JCAD: variants seen among roughly 807,000 people sequenced by gnomAD.
The protein encoded by JCAD is junctional cadherin 5 associated, also known as junctional cadherin 5-associated protein.
Under a neutral mutation model 98.0 loss-of-function variants are expected in JCAD, and 40 were observed. That is an observed-to-expected ratio of 0.41 (90% CI 0.32 to 0.53). JCAD has a LOEUF of 0.53. Among genes scored for constraint, JCAD ranks in the 20% least tolerant of loss-of-function variants. The probability of loss-of-function intolerance (pLI) is 0.31; values close to 1 mark genes in which losing one functional copy is unlikely to be tolerated. For missense variants in JCAD, 1,705 were observed against 1,738.1 expected, an observed-to-expected ratio of 0.98 and a Z score of 0.34; for synonymous variants, 691 against 682.3, an observed-to-expected ratio of 1.01 and a Z score of -0.20.
chr10:30,036,813 C>G (rs1233543536), intron 2 of JCAD, among the ~76,000 whole-genome samples: 1 of 152,238 alleles, frequency 6.6e-6, no homozygotes, highest in African/African-American at 2.4e-5. Context: ...CTGGGGAGGC[C>G]CCATTAAAGC....
At chr10:30,031,964 C>A (rs1430244214) in intron 2 of JCAD, among the ~76,000 whole-genome samples, 1 of 149,590 alleles carries the variant, frequency 6.7e-6, no homozygotes, top group Admixed American at 6.7e-5. Context: ...CTGTTTTAGC[C>A]GGGATGGTCT....
intron 1 of JCAD, among the ~76,000 whole-genome samples, chr10:30,091,191 A>G (rs1838257045): frequency 6.6e-6 from 1 of 152,198 alleles, no homozygotes; most frequent in South Asian, 2.1e-4. Flanking sequence ...AAATTTTTTG[A>G]AAATAGATGT....
chr10:30,085,869 T>A (rs997621865), intron 1 of JCAD, among the ~76,000 whole-genome samples: 1 of 152,140 alleles, frequency 6.6e-6, no homozygotes, highest in African/African-American at 2.4e-5. Flanking sequence ...ATGTATGACA[T>A]CCCCGAGTGT....
chr10:30,045,373 T>C (rs1288751573), intron 2 of JCAD, among the ~76,000 whole-genome samples: 2 of 152,174 alleles, frequency 1.3e-5, no homozygotes, highest in Admixed American at 6.5e-5. Context: ...ACCGTTCTGC[T>C]TTTCAACAGT....
At chr10:30,109,743 C>T (rs1219280489) in intron 1 of JCAD, among the ~76,000 whole-genome samples, 6 of 151,954 alleles carry the variant, frequency 3.9e-5, no homozygotes, top group Admixed American at 2.6e-4. Flanking sequence ...TGGTATAGGC[C>T]CCCGATGTAT....
intron 1 of JCAD, among the ~76,000 whole-genome samples, chr10:30,053,188 T>C (rs556187704): frequency 6.6e-6 from 1 of 152,030 alleles, no homozygotes; most frequent in Admixed American, 6.5e-5. Context: ...GCTATAAGGG[T>C]TCTCCTGTTT....
chr10:30,048,074 C>T (rs61841126), intron 1 of JCAD, among the ~76,000 whole-genome samples: 2 of 152,208 alleles, frequency 1.3e-5, no homozygotes, highest in East Asian at 1.9e-4. Flanking sequence ...GTGGCTCTGA[C>T]TCTAAATGAT....
chr10:30,026,716 G>T lies in JCAD; in HGVS notation c.3432C>A (p.Ala1144=). Residue 1144 remains alanine (A), a synonymous_variant, in exon 3 of 4, where the codon GCC becomes GCA. Coordinates refer to ENST00000375377, the MANE Select transcript of JCAD (RefSeq NM_020848.4). The part of the protein sequence containing the change: ...PADVPRVSTD[A]FYGRRKCGWT... ...AGCCGCACTTCCTCCTGCCATAAAA[G>T]GCATCAGTGGACACCCTGGGGACAT... is the stretch of plus-strand genomic sequence containing the variant. 1 of 1,614,080 alleles carries T rather than the reference G, an allele frequency of 6.2e-7. No homozygotes were observed. Among genetic ancestry groups the T allele is most frequent in the South Asian group, 1.1e-5 (1 of 91,072 alleles).
chr10:30,048,350 T>C (rs2132644771), intron 1 of JCAD, among the ~76,000 whole-genome samples: 1 of 152,328 alleles, frequency 6.6e-6, no homozygotes, highest in Admixed American at 6.5e-5. Context: ...ACATACCTTC[T>C]GCTCTAGGAG....
intron 1 of JCAD, among the ~76,000 whole-genome samples, chr10:30,084,986 T>C (rs1409300968): frequency 1.3e-5 from 2 of 152,196 alleles, no homozygotes; most frequent in South Asian, 2.1e-4. Context: ...TTCATCTTGT[T>C]TATATAGTCA....
chr10:30,056,868 G>A (rs530558873), intron 1 of JCAD, among the ~76,000 whole-genome samples: 225 of 152,252 alleles, frequency 1.5e-3, no homozygotes, highest in Non-Finnish European at 2.1e-3. Flanking sequence ...AGTGTTTAAA[G>A]CATATATCAA....
intron 1 of JCAD, among the ~76,000 whole-genome samples, chr10:30,094,081 A>G (rs1838329095): frequency 6.6e-6 from 1 of 152,108 alleles, no homozygotes; most frequent in Non-Finnish European, 1.5e-5. Context: ...TTGGGGGTTG[A>G]TAAAGGGAAA....
At chr10:30,052,927 G>A (rs1837497708) in intron 1 of JCAD, among the ~76,000 whole-genome samples, 1 of 152,070 alleles carries the variant, frequency 6.6e-6, no homozygotes, top group South Asian at 2.1e-4. Context: ...GCTCAAGACA[G>A]TGAAAGGAAA....
At chr10:30,087,408 C>T (rs1038959854) in intron 1 of JCAD, among the ~76,000 whole-genome samples, 8 of 152,072 alleles carry the variant, frequency 5.3e-5, no homozygotes, top group African/African-American at 1.2e-4. Context: ...CATTGCACTC[C>T]GGCCTGGGTG....
At chr10:30,086,251 T>G (rs1479339214) in intron 1 of JCAD, among the ~76,000 whole-genome samples, 9 of 152,232 alleles carry the variant, frequency 5.9e-5, no homozygotes. Flanking sequence ...CTGCCTCTTT[T>G]GTGCATTGAA....
intron 1 of JCAD, among the ~76,000 whole-genome samples, chr10:30,050,229 C>T (rs181872128): frequency 4.8e-5 from 7 of 145,954 alleles, no homozygotes; most frequent in Non-Finnish European, 1.0e-4. Context: ...GGAGGACAAT[C>T]GCTTGAACCC....
chr10:30,073,784 A>T (rs1837937089), intron 1 of JCAD, among the ~76,000 whole-genome samples: 1 of 149,306 alleles, frequency 6.7e-6, no homozygotes, highest in Non-Finnish European at 1.5e-5. Context: ...TGCAAATCGT[A>T]TGTGCCTTTT....
intron 2 of JCAD, among the ~76,000 whole-genome samples, chr10:30,046,277 C>T (rs1301592121): frequency 3.3e-5 from 5 of 152,120 alleles, no homozygotes; most frequent in Admixed American, 6.5e-5. Context: ...GGGCTCCTCT[C>T]CCAGCCTGGC....
upstream of JCAD, among the ~76,000 whole-genome samples, chr10:30,060,669 C>A (rs138292131): frequency 1.3e-5 from 2 of 152,118 alleles, no homozygotes; most frequent in African/African-American, 4.8e-5. Flanking sequence ...TATTTGCTGT[C>A]GAAACACCAA....
Sources: gnomAD v4.1 joint callset for allele counts (sites outside exome capture counted in the v4.1 genomes callset) on GRCh38, gnomAD v4.1.1 for gene constraint, MANE v1.5 for transcripts, NCBI Gene and HGNC (gene_info 2026-07-23, HGNC 2026-07-21) for gene names.